Variants in EPB41L4A observed in about 807,000 individuals in gnomAD.
EPB41L4A encodes band 4.1-like protein 4A.
In EPB41L4A, 100 loss-of-function variants were observed where a neutral mutation model predicts 108.6. The observed-to-expected ratio is 0.92, with a 90% CI of 0.78 to 1.09. EPB41L4A has a LOEUF of 1.09. Ranked by LOEUF, EPB41L4A falls within the 50% of genes least tolerant of loss-of-function variation. EPB41L4A has a pLI of 0.00. For missense variants in EPB41L4A, 1,030 were observed against 842.7 expected, an observed-to-expected ratio of 1.22 and a Z score of -2.75; for synonymous variants, 319 against 289.0, an observed-to-expected ratio of 1.10 and a Z score of -1.05.
At chr5:112,259,571 A>G (rs532180946) in intron 8 of EPB41L4A, among the ~76,000 whole-genome samples, 69 of 152,280 alleles carry the variant, frequency 4.5e-4, no homozygotes, top group African/African-American at 1.6e-3. Context: ...GGGCTTCCCA[A>G]TCTCTCCAAC....
intron 1 of EPB41L4A, among the ~76,000 whole-genome samples, chr5:112,310,556 A>G (rs1273616527): frequency 6.6e-6 from 1 of 152,164 alleles, no homozygotes; most frequent in Non-Finnish European, 1.5e-5. Context: ...GGTTCCTTCA[A>G]TTCTGCTTTT....
chr5:112,364,106 C>T (rs1301258588), intron 1 of EPB41L4A, among the ~76,000 whole-genome samples: 1 of 152,178 alleles, frequency 6.6e-6, no homozygotes, highest in Non-Finnish European at 1.5e-5. Context: ...CAGCTCACTG[C>T]AAACTCTGCC....
At chr5:112,328,454 A>G (rs1460108073) in intron 1 of EPB41L4A, among the ~76,000 whole-genome samples, 1 of 152,214 alleles carries the variant, frequency 6.6e-6, no homozygotes, top group Non-Finnish European at 1.5e-5. Context: ...CCACTTTTCC[A>G]TGGTTATATC....
chr5:112,365,828 C>T (rs1235071802), intron 1 of EPB41L4A, among the ~76,000 whole-genome samples: 1 of 152,090 alleles, frequency 6.6e-6, no homozygotes, highest in Non-Finnish European at 1.5e-5. Context: ...TGAGAGATGC[C>T]CCTCAATTTG....
intron 12 of EPB41L4A, among the ~76,000 whole-genome samples, chr5:112,217,000 C>A (rs1747689849): frequency 6.6e-6 from 1 of 150,814 alleles, no homozygotes; most frequent in Non-Finnish European, 1.5e-5. Flanking sequence ...GAGACAGAGT[C>A]TCGCTCAGCC....
chr5:112,341,567 A>G (rs1272425766), intron 1 of EPB41L4A, among the ~76,000 whole-genome samples: 1 of 152,218 alleles, frequency 6.6e-6, no homozygotes, highest in Non-Finnish European at 1.5e-5. Flanking sequence ...CATTAAAAAC[A>G]TCTTTGTTGA....
At chr5:112,153,941 G>A (rs753486318) in intron 12 of EPB41L4A, among the ~76,000 whole-genome samples, 1 of 152,004 alleles carries the variant, frequency 6.6e-6, no homozygotes, top group African/African-American at 2.4e-5. Flanking sequence ...AATTAAAAAT[G>A]TATCTCTAAA....
chr5:112,235,189 C>G (rs1465332815), intron 11 of EPB41L4A, among the ~76,000 whole-genome samples: 1 of 152,204 alleles, frequency 6.6e-6, no homozygotes, highest in Non-Finnish European at 1.5e-5. Flanking sequence ...TGATTTTATT[C>G]TGGACTCTGT....
intron 3 of EPB41L4A, among the ~76,000 whole-genome samples, chr5:112,277,430 T>C (rs1263963119): frequency 5.9e-5 from 9 of 152,234 alleles, no homozygotes; most frequent in Admixed American, 5.9e-4. Context: ...TAGACCTTCA[T>C]TTCCCATTCA....
intron 7 of EPB41L4A, among the ~76,000 whole-genome samples, chr5:112,261,440 C>A (rs1270641449): frequency 6.6e-6 from 1 of 152,194 alleles, no homozygotes; most frequent in South Asian, 2.1e-4. Flanking sequence ...TCCAGCAATT[C>A]ATTTCCTATA....
chr5:112,217,188 C>T (rs915894189), intron 12 of EPB41L4A, among the ~76,000 whole-genome samples: 2 of 152,174 alleles, frequency 1.3e-5, no homozygotes, highest in African/African-American at 4.8e-5. Flanking sequence ...AGGTGATCCA[C>T]CTGCCTCAGC....
chr5:112,339,843 T>C (rs1464594802), intron 1 of EPB41L4A, among the ~76,000 whole-genome samples: 4 of 152,152 alleles, frequency 2.6e-5, no homozygotes, highest in Non-Finnish European at 4.4e-5. Flanking sequence ...GCCAAGCTTA[T>C]AAATTTCAAA....
chr5:112,218,929 A>T (rs1747839053), intron 12 of EPB41L4A, among the ~76,000 whole-genome samples: 1 of 152,252 alleles, frequency 6.6e-6, no homozygotes, highest in Admixed American at 6.5e-5. Flanking sequence ...TAAATATGAC[A>T]TTAAAAACTA....
At chr5:112,276,708 G>A (rs1321991111) in intron 3 of EPB41L4A, among the ~76,000 whole-genome samples, 1 of 152,096 alleles carries the variant, frequency 6.6e-6, no homozygotes, top group African/African-American at 2.4e-5. Flanking sequence ...TTAGAAACTG[G>A]GGAAAAGAAA....
chr5:112,210,502 A>G (rs1762685081), intron 12 of EPB41L4A, among the ~76,000 whole-genome samples: 1 of 152,200 alleles, frequency 6.6e-6, no homozygotes, highest in Admixed American at 6.5e-5. Flanking sequence ...AAAAAAAGAC[A>G]TTTTCAAATG....
At chr5:112,209,389 C>T (rs1762621457) in intron 13 of EPB41L4A, among the ~76,000 whole-genome samples, 2 of 152,202 alleles carry the variant, frequency 1.3e-5, no homozygotes, top group African/African-American at 2.4e-5. Context: ...CTGGGGAATG[C>T]CCCCTGGGAA....
chr5:112,266,571 C>A (rs1751877430), intron 4 of EPB41L4A, among the ~76,000 whole-genome samples: 1 of 152,192 alleles, frequency 6.6e-6, no homozygotes, highest in Non-Finnish European at 1.5e-5. Flanking sequence ...TACTTCCCAG[C>A]CCCAGCATTC....
intron 1 of EPB41L4A, among the ~76,000 whole-genome samples, chr5:112,368,592 C>T (rs1022604476): frequency 6.6e-5 from 10 of 152,112 alleles, no homozygotes; most frequent in African/African-American, 1.9e-4. Flanking sequence ...TTTCCTTGAG[C>T]CCAGGCCCAA....
intron 1 of EPB41L4A, among the ~76,000 whole-genome samples, chr5:112,380,863 C>A (rs2112603439): frequency 6.6e-6 from 1 of 151,920 alleles, no homozygotes. Context: ...CAGCACATAT[C>A]TCAGTCACCC....
Sources: gnomAD v4.1 joint callset for allele counts (sites outside exome capture counted in the v4.1 genomes callset) on GRCh38, gnomAD v4.1.1 for gene constraint, MANE v1.5 for transcripts, NCBI Gene and HGNC (gene_info 2026-07-23, HGNC 2026-07-21) for gene names.